The following LINGO2 variants were observed in gnomAD, a reference collection of about 807,000 sequenced individuals.
LINGO2 encodes leucine-rich repeat and immunoglobulin-like domain-containing nogo receptor-interacting protein 2.
Under a neutral mutation model 30.6 loss-of-function variants are expected in LINGO2, and 14 were observed. The ratio of observed to expected loss-of-function variants is 0.46; its 90% CI spans 0.30 to 0.72. The LOEUF is 0.72. LINGO2 is among the 30% of genes least tolerant of loss of function. The pLI is 0.07. For synonymous variants in LINGO2, 317 were observed against 288.5 expected, an observed-to-expected ratio of 1.10 and a Z score of -1.00; for missense variants, 729 against 751.7, an observed-to-expected ratio of 0.97 and a Z score of 0.35.
the LINGO2 span, among the ~76,000 whole-genome samples, chr9:29,029,155 T>C: frequency 2.2e-4 from 33 of 152,124 alleles, no homozygotes; most frequent in Non-Finnish European, 1.2e-4. Context: ...ACTACAGTTT[T>C]ATCCATCTTT....
chr9:28,304,870 A>T (rs1043910079), intron 3 of LINGO2, among the ~76,000 whole-genome samples: 4 of 152,070 alleles, frequency 2.6e-5, no homozygotes, highest in Admixed American at 2.0e-4. Flanking sequence ...TTGAATAAAT[A>T]AACTGTAGCT....
the LINGO2 span, chr9:27,942,436 C>A: frequency 6.6e-6 from 1 of 151,898 alleles, no homozygotes; most frequent in Non-Finnish European, 1.5e-5. Flanking sequence ...CCCTTTCATC[C>A]GAAAAGAAAA....
chr9:28,725,753 TAAC>T, the LINGO2 span, among the ~76,000 whole-genome samples: 5 of 151,562 alleles, frequency 3.3e-5, no homozygotes, highest in Non-Finnish European at 7.4e-5. Flanking sequence ...TTCAAACAAA[TAAC>T]AAAATTAAAA....
the LINGO2 span, among the ~76,000 whole-genome samples, chr9:29,052,569 A>G: frequency 6.6e-6 from 1 of 152,200 alleles, no homozygotes; most frequent in Non-Finnish European, 1.5e-5. Context: ...AGTTTTTGAA[A>G]TTCAAAATGT....
the LINGO2 span, among the ~76,000 whole-genome samples, chr9:28,856,969 C>A: frequency 6.6e-6 from 1 of 152,090 alleles, no homozygotes; most frequent in Non-Finnish European, 1.5e-5. Context: ...TTAGGCTGCA[C>A]CTGTGTACCG....
chr9:27,979,473 A>C (rs1306131489), intron 5 of LINGO2, among the ~76,000 whole-genome samples: 2 of 151,960 alleles, frequency 1.3e-5, no homozygotes, highest in Non-Finnish European at 2.9e-5. Flanking sequence ...AAAGGAACCA[A>C]ACTGGGTAGC....
At chr9:28,713,889 G>A in the LINGO2 span, among the ~76,000 whole-genome samples, 2 of 152,074 alleles carry the variant, frequency 1.3e-5, no homozygotes, top group Non-Finnish European at 2.9e-5. Flanking sequence ...TGGGCATGGT[G>A]GCTCACGCCT....
the LINGO2 span, among the ~76,000 whole-genome samples, chr9:29,049,755 G>A: frequency 6.6e-6 from 1 of 152,028 alleles, no homozygotes; most frequent in South Asian, 2.1e-4. Flanking sequence ...CAAAAAAATT[G>A]TACTCATTAA....
intron 4 of LINGO2, among the ~76,000 whole-genome samples, chr9:28,253,618 G>A (rs964153591): frequency 4.6e-5 from 7 of 152,104 alleles, no homozygotes; most frequent in Admixed American, 4.6e-4. Flanking sequence ...TCTTTTCTCA[G>A]ATTTGAATGA....
At chr9:28,493,733 G>C (rs118035759) in intron 1 of LINGO2, among the ~76,000 whole-genome samples, 2,925 of 152,224 alleles carry the variant, frequency 0.019, 88 homozygotes, top group East Asian at 0.093. Flanking sequence ...TGAGTCAGTG[G>C]ACTGGGAAAA....
the LINGO2 span, among the ~76,000 whole-genome samples, chr9:28,690,576 GAATA>G: frequency 2.6e-5 from 4 of 151,982 alleles, no homozygotes; most frequent in Non-Finnish European, 5.9e-5. Flanking sequence ...TTCCATTCAT[GAATA>G]GTTTCTAGAA....
the LINGO2 span, among the ~76,000 whole-genome samples, chr9:29,054,430 T>A: frequency 6.6e-6 from 1 of 152,194 alleles, no homozygotes; most frequent in African/African-American, 2.4e-5. Flanking sequence ...TTGTATGCAC[T>A]TTGGAGAGCT....
At chr9:28,481,254 C>A (rs1825952160) in intron 1 of LINGO2, among the ~76,000 whole-genome samples, 1 of 151,994 alleles carries the variant, frequency 6.6e-6, no homozygotes, top group Non-Finnish European at 1.5e-5. Context: ...AAAAAATATG[C>A]AAAATAATTA....
chr9:28,384,329 C>CTATATATATATATA (rs3064858), intron 2 of LINGO2, among the ~76,000 whole-genome samples: 1,773 of 123,144 alleles, frequency 0.014, 47 homozygotes, highest in East Asian at 0.088. Context: ...ATGTTATGCA[C>CTATATATATATATA]TATATATATA....
At chr9:28,563,060 T>G (rs1270945523) in intron 1 of LINGO2, among the ~76,000 whole-genome samples, 2 of 152,094 alleles carry the variant, frequency 1.3e-5, no homozygotes, top group Non-Finnish European at 2.9e-5. Context: ...TTGGCCGGGC[T>G]GGTCTCAAAT....
At chr9:28,237,117 C>T (rs1173983268) in intron 4 of LINGO2, among the ~76,000 whole-genome samples, 3 of 112,848 alleles carry the variant, frequency 2.7e-5, no homozygotes, top group Admixed American at 9.2e-5. Context: ...TTAAACAGTG[C>T]GGGGGGGGGG....
the LINGO2 span, among the ~76,000 whole-genome samples, chr9:29,086,495 C>A: frequency 6.6e-6 from 1 of 151,688 alleles, no homozygotes; most frequent in East Asian, 1.9e-4. Context: ...TAAGGCTTAT[C>A]CACTCTGACC....
chr9:28,457,623 G>A (rs545051865), intron 2 of LINGO2, among the ~76,000 whole-genome samples: 107 of 151,938 alleles, frequency 7.0e-4, no homozygotes, highest in Non-Finnish European at 1.4e-3. Context: ...TAAGAGATGG[G>A]GTCTCATTAT....
the LINGO2 span, among the ~76,000 whole-genome samples, chr9:28,832,586 T>G: frequency 6.6e-6 from 1 of 152,154 alleles, no homozygotes; most frequent in African/African-American, 2.4e-5. Flanking sequence ...AATTTTCCAG[T>G]GGCTCATGTC....
Sources: allele counts gnomAD v4.1 joint callset (sites outside exome capture counted in the v4.1 genomes callset), GRCh38; gene constraint gnomAD v4.1.1; transcripts MANE v1.5; gene names NCBI Gene and HGNC (gene_info 2026-07-23, HGNC 2026-07-21).